Variants in SH2D4B observed in about 807,000 individuals in gnomAD.
SH2D4B encodes SH2 domain containing 4B.
In SH2D4B, 45 loss-of-function variants were observed where a neutral mutation model predicts 61.5. That is an observed-to-expected ratio of 0.73 (90% CI 0.58 to 0.94). The LOEUF (loss-of-function observed/expected upper bound fraction) is 0.94, where lower values mean the gene tolerates loss of function less well. Among genes scored for constraint, SH2D4B ranks in the 40% least tolerant of loss-of-function variants. The probability of loss-of-function intolerance (pLI) is 0.00; values close to 1 mark genes in which losing one functional copy is unlikely to be tolerated. For missense variants in SH2D4B, 572 were observed against 574.2 expected (o/e 1.00, Z 0.04); for synonymous variants, 224 against 220.4 (o/e 1.02, Z -0.14).
rs921458650 is a variant in SH2D4B at position 80,586,750 on chromosome 10, C to G, written c.496-1880C>G. On this transcript the variant is annotated intron_variant, in intron 3 of 7. Transcript: ENST00000646907. The stretch of plus-strand genomic sequence containing the variant: ...TGGGATCCCCTTGCCGCTGTGGAAG[C>G]TTTGTTTTTTCACTCTTTACAATAA... 2.6e-5 allele frequency among the ~76,000 whole-genome samples: 4 copies of G among 152,154 alleles called. No homozygotes were observed. The East Asian group carries it at 7.7e-4, about 29-fold the overall frequency.
chr10:80,624,238 C>T (rs1842748028), intron 6 of SH2D4B, among the ~76,000 whole-genome samples: 1 of 152,142 alleles, frequency 6.6e-6, no homozygotes, highest in East Asian at 1.9e-4. Flanking sequence ...AGGGTAATTG[C>T]TAGACTCTCC....
chr10:80,632,226 G>C (rs749445684), intron 6 of SH2D4B, among the ~76,000 whole-genome samples: 2 of 152,082 alleles, frequency 1.3e-5, no homozygotes, highest in Non-Finnish European at 2.9e-5. Flanking sequence ...AAAGTGCTGA[G>C]ATTACAGGTC....
Position 80,538,398 on chromosome 10 carries a change from C to A in SH2D4B, c.67C>A (p.Gln23Lys). The stretch of plus-strand genomic sequence containing the variant: ...GCTCCTTGCCGAGCTCAGCGATGTG[C>A]AGAAGCACATCCTCTTCTACAAAAT... The part of the protein sequence containing the change: ...PELLAELSDV[Q>K]KHILFYKMRE... The change falls in exon 1 of 8, where the codon CAG (glutamine) becomes AAG (lysine). Residue 23 changes from glutamine (Q) to lysine (K), a missense_variant. Physicochemically the swap from Gln to Lys is moderately conservative, Grantham distance 53. Transcript: ENST00000646907. The surrounding 1 kb of genome is among the most constrained non-coding windows in gnomAD (Gnocchi z 4.8). The A allele has an allele frequency of 1.4e-6, 2 of 1,464,170 alleles. No homozygotes were observed. Among genetic ancestry groups the A allele is most frequent in the Non-Finnish European group, 1.8e-6 (2 of 1,106,080 alleles). The allele number at this position is 1,464,170 out of a possible 1,614,324, so 90.7% of individuals were successfully genotyped here.
At position 80,644,820 on chromosome 10, in the gene SH2D4B, T is replaced by C. The variant is rs1840367925; in HGVS notation, c.*735T>C. 1 of 152,246 alleles carries C rather than the reference T, an allele frequency of 6.6e-6. No homozygotes were observed. Among genetic ancestry groups the C allele is most frequent in the East Asian group, 1.9e-4 (1 of 5,208 alleles). 9.4% of individuals were successfully genotyped at this position (152,246 alleles called of 1,614,324 possible). A position where few individuals can be genotyped will look rare whatever the true frequency, so the allele number is the denominator to read the frequency against. Reference sequence around the variant, plus strand: ...TGTCTTCAAGACCTGGGGTGAGTTATCAATGCAAGAATGGTTCTTAGAAAT... The same window carrying C: ...TGTCTTCAAGACCTGGGGTGAGTTACCAATGCAAGAATGGTTCTTAGAAAT... On this transcript the variant is annotated 3_prime_UTR_variant, in exon 8 of 8. Coordinates refer to ENST00000646907, the MANE Select transcript of SH2D4B (RefSeq NM_001388272.1).
At chr10:80,578,089 GC>G (rs1564773288) in intron 3 of SH2D4B, among the ~76,000 whole-genome samples, 1 of 151,704 alleles carries the variant, frequency 6.6e-6, no homozygotes, top group Non-Finnish European at 1.5e-5. Flanking sequence ...TCCCACTTCA[GC>G]CCCCCAAGTA....
intron 1 of SH2D4B, among the ~76,000 whole-genome samples, chr10:80,569,787 C>T (rs116750608): frequency 0.015 from 2,241 of 152,178 alleles, 45 homozygotes; most frequent in African/African-American, 0.05. Flanking sequence ...GGCCTATGTG[C>T]GGAGGTAAGC....
At chr10:80,550,564 G>A (rs533665973) in intron 1 of SH2D4B, among the ~76,000 whole-genome samples, 6 of 151,894 alleles carry the variant, frequency 4.0e-5, no homozygotes, top group Non-Finnish European at 5.9e-5. Flanking sequence ...ACTGCACTCC[G>A]GCCTGGGTGA....
chr10:80,538,628 G>A lies in SH2D4B; in HGVS notation c.184+113G>A, dbSNP rs929580623. The A allele has an allele frequency of 1.1e-6, 1 of 935,934 alleles. No individual in the cohort carries two copies. Among genetic ancestry groups the A allele is most frequent in the Non-Finnish European group, 1.4e-6 (1 of 698,226 alleles). 58.0% of individuals were successfully genotyped at this position (935,934 alleles called of 1,614,324 possible). On this transcript the variant is annotated intron_variant, in intron 1 of 7. Transcript: ENST00000646907. The surrounding 1 kb of genome is among the most constrained non-coding windows in gnomAD (Gnocchi z 4.8). The stretch of plus-strand genomic sequence containing the variant: ...GATGGGCACTGGGGTGATGAGGGCT[G>A]GGGGCTTGAAACCCTTGTCTTGTGG...
rs144752101 is a variant in SH2D4B, at chr10:80,552,885, T to C, written c.184+14370T>C. ...CATTTCTTTCTCCCCCTCTCTCTCT[T>C]TCTTTCTCTCTCTCTCTCTCTCTTG... On this transcript the variant is annotated intron_variant, in intron 1 of 7. Transcript: ENST00000646907. Among the ~76,000 whole-genome samples, 1,486 of 150,480 alleles carry C rather than the reference T, an allele frequency of 9.9e-3. 23 individuals carry two copies. Among genetic ancestry groups the C allele is most frequent in the African/African-American group, 0.035 (1,413 of 39,974 alleles).
chr10:80,542,906 G>T (rs1306564398), intron 1 of SH2D4B, among the ~76,000 whole-genome samples: 1 of 152,108 alleles, frequency 6.6e-6, no homozygotes, highest in African/African-American at 2.4e-5. Context: ...TCCTATGCCT[G>T]CTCACTGTCC....
chr10:80,570,021 C>T, intron 1 of SH2D4B, 133 bp from the exon 2 acceptor site: 1 of 1,117,784 alleles, frequency 8.9e-7, no homozygotes, highest in Non-Finnish European at 1.3e-6. Context: ...AGGCCAGTGT[C>T]TCTCTGGCAT....
chr10:80,598,941 T>C (rs963786191), intron 4 of SH2D4B, among the ~76,000 whole-genome samples: 1 of 152,180 alleles, frequency 6.6e-6, no homozygotes, highest in South Asian at 2.1e-4. Flanking sequence ...AGCAGGACTT[T>C]GGAGTTGTCA....
At position 80,600,521 on chromosome 10, in the gene SH2D4B, ATGTG is replaced by A. The variant is rs67885510; in HGVS notation, c.644-3029_644-3026del. Among the ~76,000 whole-genome samples, 68 of 127,940 alleles carry A rather than the reference ATGTG, an allele frequency of 5.3e-4. 1 individual carries two copies. The South Asian group carries it at 7.7e-3, about 14-fold the overall frequency. The allele number at this position is 127,940 out of a possible 152,430, so 83.9% of individuals were successfully genotyped here. On this transcript the variant is annotated intron_variant, in intron 4 of 7. Coordinates refer to ENST00000646907, the MANE Select transcript of SH2D4B (RefSeq NM_001388272.1). ...TGGTGGAGCTACAGTGCAGAGTGGC[ATGTG>A]TGTGTGTGTGTGTGTGTGTGTGTGT... is the stretch of plus-strand genomic sequence containing the variant.
chr10:80,608,598 C>T (rs1369853211), intron 5 of SH2D4B, among the ~76,000 whole-genome samples: 5 of 152,072 alleles, frequency 3.3e-5, no homozygotes, highest in South Asian at 2.1e-4. Context: ...AGTTCAGACA[C>T]GAAAGCAATG....
chr10:80,546,672 C>T (rs1007068559), intron 1 of SH2D4B, among the ~76,000 whole-genome samples: 1 of 151,826 alleles, frequency 6.6e-6, no homozygotes, highest in Non-Finnish European at 1.5e-5. Context: ...CCTACAGGCG[C>T]CCACCACCGC....
chr10:80,615,134 G>A (rs12414791), intron 6 of SH2D4B, among the ~76,000 whole-genome samples: 21,563 of 152,278 alleles, frequency 0.14, 2,233 homozygotes, highest in African/African-American at 0.29. Flanking sequence ...TGTCTGAGCT[G>A]TATGGAGCAG....
intron 6 of SH2D4B, 144 bp from the exon 7 acceptor site, chr10:80,634,141 G>A: frequency 1.7e-6 from 2 of 1,155,968 alleles, no homozygotes; most frequent in Non-Finnish European, 1.1e-6. Flanking sequence ...CAGCCCTTGG[G>A]GCTCTTTCCT....
chr10:80,542,958 G>A (rs561355014), intron 1 of SH2D4B, among the ~76,000 whole-genome samples: 1 of 152,312 alleles, frequency 6.6e-6, no homozygotes, highest in South Asian at 2.1e-4. Context: ...GCCCAGTGGG[G>A]TTCCAGCCTC....
chr10:80,576,401 A>G (rs1415433971), intron 3 of SH2D4B, among the ~76,000 whole-genome samples: 1 of 152,262 alleles, frequency 6.6e-6, no homozygotes, highest in African/African-American at 2.4e-5. Context: ...TTGATCTGGC[A>G]TATCTTCATT....
Sources: allele counts gnomAD v4.1 joint callset (sites outside exome capture counted in the v4.1 genomes callset), GRCh38; gene constraint gnomAD v4.1.1; non-coding constraint Gnocchi (gnomAD v3.1); transcripts MANE v1.5; gene names NCBI Gene and HGNC (gene_info 2026-07-23, HGNC 2026-07-21).